Variants in TANK observed in about 807,000 individuals in gnomAD.
TANK encodes TRAF family member associated NFKB activator.
A neutral mutation model predicts 43.6 loss-of-function variants in TANK; 15 were observed. That is an observed-to-expected ratio of 0.34 (90% CI 0.23 to 0.53). The LOEUF (loss-of-function observed/expected upper bound fraction) is 0.53, where lower values mean the gene tolerates loss of function less well. Ranked by LOEUF, TANK falls within the 20% of genes least tolerant of loss-of-function variation. The pLI, the probability that TANK is intolerant of heterozygous loss-of-function variation, is 0.94. For synonymous variants in TANK, 162 were observed against 178.2 expected, an observed-to-expected ratio of 0.91 and a Z score of 0.73; for missense variants, 417 against 498.6, an observed-to-expected ratio of 0.84 and a Z score of 1.56.
chr2:161,143,978 C>A (rs1683828324), intron 1 of TANK, among the ~76,000 whole-genome samples: 1 of 152,122 alleles, frequency 6.6e-6, no homozygotes, highest in Non-Finnish European at 1.5e-5. Flanking sequence ...TTAATTACTG[C>A]CCCAATTTCA....
At chr2:161,148,885 G>A (rs1182202742) in intron 1 of TANK, among the ~76,000 whole-genome samples, 1 of 152,028 alleles carries the variant, frequency 6.6e-6, no homozygotes, top group Non-Finnish European at 1.5e-5. Flanking sequence ...ATGCTGTTTT[G>A]ATTACTGTAG....
chr2:161,221,304 A>C (rs1687328351), intron 4 of TANK, among the ~76,000 whole-genome samples: 1 of 152,190 alleles, frequency 6.6e-6, no homozygotes, highest in Non-Finnish European at 1.5e-5. Context: ...AAAATCTCCT[A>C]AAATATAATG....
At chr2:161,151,815 A>G (rs747245405) in intron 1 of TANK, among the ~76,000 whole-genome samples, 1 of 152,056 alleles carries the variant, frequency 6.6e-6, no homozygotes, top group Non-Finnish European at 1.5e-5. Context: ...CCATTTTGCT[A>G]TTTGATTTCT....
chr2:161,188,392 G>A (rs1481760026), intron 2 of TANK, among the ~76,000 whole-genome samples: 4 of 152,064 alleles, frequency 2.6e-5, no homozygotes, highest in Non-Finnish European at 5.9e-5. Flanking sequence ...TCATAAAAGA[G>A]TGCTATGAAC....
chr2:161,220,313 C>T (rs1381746331), intron 4 of TANK, among the ~76,000 whole-genome samples: 4 of 152,124 alleles, frequency 2.6e-5, no homozygotes, highest in African/African-American at 9.7e-5. Context: ...TTAAAAATTC[C>T]ATAACTCAGC....
chr2:161,235,087 A>G (rs1434141327), intron 7 of TANK, among the ~76,000 whole-genome samples: 3 of 152,238 alleles, frequency 2.0e-5, no homozygotes, highest in South Asian at 2.1e-4. Context: ...TAAAGCTGCA[A>G]TCTTTTTAAA....
intron 4 of TANK, among the ~76,000 whole-genome samples, chr2:161,208,540 T>C (rs1390858130): frequency 6.6e-6 from 1 of 152,186 alleles, no homozygotes; most frequent in East Asian, 1.9e-4. Flanking sequence ...AACTTAGGGC[T>C]TAGAACGACA....
chr2:161,232,197 C>T (rs1178028258), intron 7 of TANK, among the ~76,000 whole-genome samples: 1 of 151,988 alleles, frequency 6.6e-6, no homozygotes, highest in Non-Finnish European at 1.5e-5. Flanking sequence ...TCCCCCAAAC[C>T]ACTCCTGCCC....
At chr2:161,151,368 G>A (rs781327882) in intron 1 of TANK, among the ~76,000 whole-genome samples, 1 of 152,074 alleles carries the variant, frequency 6.6e-6, no homozygotes, top group Admixed American at 6.5e-5. Context: ...GTGACATAAT[G>A]TAGTCTCCAG....
intron 1 of TANK, among the ~76,000 whole-genome samples, chr2:161,168,543 C>T (rs1407581624): frequency 2.0e-5 from 3 of 152,036 alleles, no homozygotes; most frequent in Admixed American, 6.6e-5. Flanking sequence ...AGAAAAAAAT[C>T]GGTTTAAGGC....
intron 2 of TANK, among the ~76,000 whole-genome samples, chr2:161,181,646 A>C (rs1478346109): frequency 6.6e-6 from 1 of 152,126 alleles, no homozygotes; most frequent in East Asian, 1.9e-4. Flanking sequence ...CACTTTTAGC[A>C]TCAAATCTCA....
rs370728771 is a variant in TANK, at chr2:161,177,404, A to C, written c.-49-2210A>C. Among the ~76,000 whole-genome samples the C allele has an allele frequency of 3.1e-4, 47 of 152,262 alleles. No individual in the cohort carries two copies. The South Asian group carries it at 9.5e-3, about 31-fold the overall frequency. On this transcript the variant is annotated intron_variant, in intron 1 of 7. Coordinates refer to ENST00000392749, the MANE Select transcript of TANK (RefSeq NM_001199135.3). ...AAAAGTTGTGATTTATGATCAGTTG[A>C]TTTTTGGCAAGGGTGCCAGGGCTAT... is the stretch of plus-strand genomic sequence containing the variant.
chr2:161,183,844 G>T (rs1480786829), intron 2 of TANK, among the ~76,000 whole-genome samples: 1 of 151,534 alleles, frequency 6.6e-6, no homozygotes, highest in African/African-American at 2.4e-5. Context: ...ATATCATTAA[G>T]GAACTTTAAA....
chr2:161,151,229 G>A (rs927556431), intron 1 of TANK, among the ~76,000 whole-genome samples: 3 of 152,154 alleles, frequency 2.0e-5, no homozygotes, highest in Non-Finnish European at 4.4e-5. Context: ...ATATCCACTT[G>A]AGAAGAATGT....
At chr2:161,142,233 T>C (rs1683769857) in intron 1 of TANK, among the ~76,000 whole-genome samples, 1 of 152,214 alleles carries the variant, frequency 6.6e-6, no homozygotes, top group Non-Finnish European at 1.5e-5. Flanking sequence ...TAGACCTTTT[T>C]CAGATGGGTA....
At chr2:161,159,781 G>A (rs774941735), upstream of TANK, among the ~76,000 whole-genome samples, 3 of 152,322 alleles carry the variant, frequency 2.0e-5, no homozygotes, top group Non-Finnish European at 4.4e-5. Flanking sequence ...CTAGGAATTG[G>A]AATAATGGGA....
At chr2:161,217,545 A>G (rs1003633042) in intron 4 of TANK, among the ~76,000 whole-genome samples, 2 of 151,162 alleles carry the variant, frequency 1.3e-5, no homozygotes, top group African/African-American at 4.9e-5. Context: ...CTCCTCCAAT[A>G]TATGCAAAGT....
At chr2:161,137,752 T>A (rs1683628204) in intron 1 of TANK, 1 of 152,130 alleles carries the variant, frequency 6.6e-6, no homozygotes, top group Non-Finnish European at 1.5e-5. Flanking sequence ...GGCCGGCAGA[T>A]CACCTGAGAT....
intron 4 of TANK, chr2:161,207,487 C>G: frequency 1.0e-6 from 1 of 984,412 alleles, no homozygotes; most frequent in South Asian, 4.7e-5. Context: ...TTATGTATCT[C>G]TAGCCAAAGT....
Sources: gnomAD v4.1 joint callset for allele counts (sites outside exome capture counted in the v4.1 genomes callset) on GRCh38, gnomAD v4.1.1 for gene constraint, MANE v1.5 for transcripts, NCBI Gene and HGNC (gene_info 2026-07-23, HGNC 2026-07-21) for gene names.